RPS6KC1: variants seen among roughly 807,000 people sequenced by gnomAD.
RPS6KC1 encodes the protein ribosomal protein S6 kinase C1, also known as inactive ribosomal protein S6 kinase delta-1.
Under a neutral mutation model 103.8 loss-of-function variants are expected in RPS6KC1, and 54 were observed. The observed-to-expected ratio is 0.52, with a 90% confidence interval of 0.42 to 0.65. The LOEUF is 0.65. Ranked by LOEUF, RPS6KC1 falls within the 30% of genes least tolerant of loss-of-function variation. RPS6KC1 has a pLI of 0.00. For missense variants in RPS6KC1, 1,151 were observed against 1,253.8 expected (o/e 0.92, Z 1.24); for synonymous variants, 439 against 438.7 (o/e 1.00, Z -0.01).
chr1:213,534,601 C>T, the RPS6KC1 span, among the ~76,000 whole-genome samples: 1 of 152,148 alleles, frequency 6.6e-6, no homozygotes, highest in Non-Finnish European at 1.5e-5. Flanking sequence ...ACTCAGGTCT[C>T]CTGATTTCTA....
the RPS6KC1 span, among the ~76,000 whole-genome samples, chr1:213,584,070 C>A: frequency 6.6e-6 from 1 of 152,166 alleles, no homozygotes; most frequent in East Asian, 1.9e-4. Flanking sequence ...CCATACTATT[C>A]TCATGGTAGT....
chr1:213,095,177 A>C (rs2081334323), intron 3 of RPS6KC1, among the ~76,000 whole-genome samples: 1 of 152,178 alleles, frequency 6.6e-6, no homozygotes, highest in African/African-American at 2.4e-5. Flanking sequence ...AGAAGTAATA[A>C]ATTCAGCTTG....
chr1:213,075,824 C>T (rs771422997), intron 2 of RPS6KC1, among the ~76,000 whole-genome samples: 12 of 152,186 alleles, frequency 7.9e-5, no homozygotes, highest in Non-Finnish European at 1.3e-4. Flanking sequence ...CTTTTAGAAA[C>T]TTCACCCCCG....
chr1:213,748,996 C>A, the RPS6KC1 span, among the ~76,000 whole-genome samples: 1 of 152,306 alleles, frequency 6.6e-6, no homozygotes, highest in African/African-American at 2.4e-5. Context: ...GCTGGACAGC[C>A]TGTAGAATTT....
the RPS6KC1 span, among the ~76,000 whole-genome samples, chr1:213,363,690 CTTTCTTTCTTTCCTTCTTTCTTTCT>C: frequency 1.0e-5 from 1 of 99,830 alleles, no homozygotes; most frequent in Non-Finnish European, 2.0e-5. Context: ...TTCTTTCTTT[CTTTCTTTCTTTCCTTCTTTCTTTCT>C]TTCTTTCTTT....
At chr1:213,261,414 G>A in intron 12 of RPS6KC1, 144 bp from the exon 13 acceptor site, 1 of 693,308 alleles carries the variant, frequency 1.4e-6, no homozygotes, top group African/African-American at 1.8e-5. Context: ...AAAGGGATAA[G>A]TAACTTTCAG....
the RPS6KC1 span, among the ~76,000 whole-genome samples, chr1:213,793,160 T>C: frequency 6.6e-6 from 1 of 152,168 alleles, no homozygotes; most frequent in Non-Finnish European, 1.5e-5. Flanking sequence ...GGTGAGCCTT[T>C]TAGAATGGCA....
At position 213,212,019 on chromosome 1, in the gene RPS6KC1, A is replaced by G. The variant is rs544642037; in HGVS notation, c.1045-18478A>G. On this transcript the variant is annotated intron_variant, in intron 8 of 14. Coordinates refer to ENST00000366960, the MANE Select transcript of RPS6KC1 (RefSeq NM_012424.6). ...ACCCCACCCTTGCATAGCCTCCCCT[A>G]TTGTCAACAACCCCCACCAGAGTGG... Among the ~76,000 whole-genome samples, 4 of 152,094 alleles carry G rather than the reference A, an allele frequency of 2.6e-5. No individual in the cohort carries two copies. In the East Asian group the frequency reaches 7.7e-4, roughly 29 times the overall value.
At chr1:213,281,248 A>G in the RPS6KC1 span, among the ~76,000 whole-genome samples, 1 of 152,180 alleles carries the variant, frequency 6.6e-6, no homozygotes, top group Non-Finnish European at 1.5e-5. Context: ...TTGCGCATAT[A>G]CCTGTCTTTC....
At chr1:213,536,816 G>A in the RPS6KC1 span, among the ~76,000 whole-genome samples, 32 of 152,212 alleles carry the variant, frequency 2.1e-4, no homozygotes, top group African/African-American at 5.5e-4. Context: ...AGGTTCAAGA[G>A]GCTGAAGAAA....
chr1:213,784,862 C>T, the RPS6KC1 span, among the ~76,000 whole-genome samples: 5 of 152,258 alleles, frequency 3.3e-5, no homozygotes, highest in South Asian at 1.0e-3. Context: ...TTTCAGATAC[C>T]ATGAGTGATG....
At chr1:213,586,605 CCAACTT>C in the RPS6KC1 span, among the ~76,000 whole-genome samples, 1 of 150,664 alleles carries the variant, frequency 6.6e-6, no homozygotes, top group Admixed American at 6.6e-5. Context: ...GAAAGAGACT[CCAACTT>C]AAAAGAGTGA....
chr1:213,252,281 T>C (rs2094559425), intron 12 of RPS6KC1, among the ~76,000 whole-genome samples: 2 of 152,222 alleles, frequency 1.3e-5, no homozygotes, highest in African/African-American at 4.8e-5. Flanking sequence ...TACTAATGTT[T>C]CTGTGCCCTA....
chr1:213,376,415 A>G, the RPS6KC1 span, among the ~76,000 whole-genome samples: 2 of 151,850 alleles, frequency 1.3e-5, no homozygotes, highest in African/African-American at 4.8e-5. Context: ...TTAAAATTGC[A>G]TACTTAATGA....
the RPS6KC1 span, among the ~76,000 whole-genome samples, chr1:213,600,315 A>G: frequency 3.9e-5 from 6 of 152,166 alleles, no homozygotes; most frequent in African/African-American, 1.4e-4. Context: ...CTCTTAATAG[A>G]CAGAAAGTTC....
At chr1:213,196,321 A>G (rs2092946248) in intron 8 of RPS6KC1, among the ~76,000 whole-genome samples, 1 of 151,668 alleles carries the variant, frequency 6.6e-6, no homozygotes, top group Non-Finnish European at 1.5e-5. Flanking sequence ...CCACTTTTTG[A>G]TGGGATTATT....
At chr1:213,717,424 A>T in the RPS6KC1 span, among the ~76,000 whole-genome samples, 1 of 152,346 alleles carries the variant, frequency 6.6e-6, no homozygotes, top group Non-Finnish European at 1.5e-5. Flanking sequence ...AGAGGGAAGA[A>T]CATGTGTGCA....
chr1:213,268,897 G>C (rs527271355), intron 14 of RPS6KC1, among the ~76,000 whole-genome samples: 2 of 151,334 alleles, frequency 1.3e-5, no homozygotes, highest in African/African-American at 2.4e-5. Context: ...AACTAAAATG[G>C]TACAGCAAAA....
chr1:213,567,623 C>A, the RPS6KC1 span, among the ~76,000 whole-genome samples: 1 of 152,172 alleles, frequency 6.6e-6, no homozygotes, highest in East Asian at 1.9e-4. Context: ...GTAATCTGAT[C>A]CCATACAATA....
Sources: allele counts gnomAD v4.1 joint callset (sites outside exome capture counted in the v4.1 genomes callset), GRCh38; gene constraint gnomAD v4.1.1; transcripts MANE v1.5; gene names NCBI Gene and HGNC (gene_info 2026-07-23, HGNC 2026-07-21).